MBOAT2: variants seen among roughly 807,000 people sequenced by gnomAD.
The protein encoded by MBOAT2 is membrane bound glycerophospholipid O-acyltransferase 2.
MBOAT2 carries 28 observed loss-of-function variants against 63.4 expected under a neutral mutation model. The observed-to-expected ratio is 0.44, with a 90% CI of 0.33 to 0.61. The LOEUF (loss-of-function observed/expected upper bound fraction) is 0.61. Among genes scored for constraint, MBOAT2 ranks in the 20% least tolerant of loss-of-function variants. MBOAT2 has a pLI of 0.03. For missense variants in MBOAT2, 470 were observed against 605.8 expected (o/e 0.78, Z 2.35); for synonymous variants, 211 against 215.6 (o/e 0.98, Z 0.19).
At chr2:8,947,697 C>G (rs1421679219) in intron 2 of MBOAT2, among the ~76,000 whole-genome samples, 1 of 152,214 alleles carries the variant, frequency 6.6e-6, no homozygotes, top group East Asian at 1.9e-4. Flanking sequence ...GCATTGTTTA[C>G]TGAATATTAT....
intron 1 of MBOAT2, among the ~76,000 whole-genome samples, chr2:8,963,065 C>T (rs1254717267): frequency 6.6e-6 from 1 of 151,954 alleles, no homozygotes; most frequent in Non-Finnish European, 1.5e-5. Flanking sequence ...TGGTGAAACC[C>T]CATCTCTACA....
intron 1 of MBOAT2, among the ~76,000 whole-genome samples, chr2:8,991,393 G>A (rs1322369964): frequency 6.6e-6 from 1 of 152,198 alleles, no homozygotes; most frequent in East Asian, 1.9e-4. Flanking sequence ...ACCTTCCACT[G>A]TAATGGGGTA....
chr2:8,898,429 T>C (rs1397105632), intron 4 of MBOAT2, among the ~76,000 whole-genome samples: 1 of 152,256 alleles, frequency 6.6e-6, no homozygotes, highest in Non-Finnish European at 1.5e-5. Flanking sequence ...TATTCATTCC[T>C]TGCTGAGGGC....
chr2:8,913,900 T>C (rs574624219), intron 3 of MBOAT2, among the ~76,000 whole-genome samples: 13 of 152,294 alleles, frequency 8.5e-5, no homozygotes, highest in Admixed American at 2.0e-4. Flanking sequence ...CAATTCACGA[T>C]TGCAAAATCG....
At chr2:8,881,359 C>T (rs1663121428) in intron 6 of MBOAT2, among the ~76,000 whole-genome samples, 1 of 152,108 alleles carries the variant, frequency 6.6e-6, no homozygotes, top group Admixed American at 6.6e-5. Context: ...GAGACTATAT[C>T]ATCTTAGAAG....
chr2:8,894,782 C>T (rs1429472999), intron 4 of MBOAT2, among the ~76,000 whole-genome samples: 4 of 152,182 alleles, frequency 2.6e-5, no homozygotes, highest in Non-Finnish European at 4.4e-5. Flanking sequence ...GAATTTCTTC[C>T]TTCTGGTGGG....
chr2:8,900,393 G>A (rs891731861), intron 4 of MBOAT2, among the ~76,000 whole-genome samples: 5 of 152,206 alleles, frequency 3.3e-5, no homozygotes, highest in African/African-American at 1.2e-4. Context: ...CTCCAAGTGA[G>A]CTCAAAGGTT....
chr2:8,930,994 C>T (rs1298814542), intron 3 of MBOAT2, among the ~76,000 whole-genome samples: 1 of 152,126 alleles, frequency 6.6e-6, no homozygotes, highest in Admixed American at 6.5e-5. Context: ...CTCTCTTTCA[C>T]CGTGGGCTGC....
intron 5 of MBOAT2, among the ~76,000 whole-genome samples, chr2:8,884,390 A>G (rs13399496): frequency 0.018 from 2,764 of 151,814 alleles, 31 homozygotes; most frequent in Middle Eastern, 0.037. Flanking sequence ...ACGGTAAAAC[A>G]TTATCAGGAT....
At position 8,873,100 on chromosome 2, in the gene MBOAT2, T is replaced by C; in HGVS notation, c.883+8A>G. On this transcript the variant is annotated splice_region_variant and intron_variant, in intron 8 of 12. Transcript: ENST00000305997. The stretch of plus-strand genomic sequence containing the variant: ...AGACACAGGGAAATCTATTTACATG[T>C]TACTTACCTAGCGTCCATGCAAAAT... The C allele has an allele frequency of 1.9e-6, 3 of 1,611,188 alleles. No individual in the cohort carries two copies. The highest frequency in any genetic ancestry group is 2.5e-6 in the Non-Finnish European group (3 of 1,177,658).
chr2:8,923,840 C>T (rs1301000446), intron 3 of MBOAT2, among the ~76,000 whole-genome samples: 2 of 152,176 alleles, frequency 1.3e-5, no homozygotes, highest in African/African-American at 4.8e-5. Context: ...CTGACAAGTT[C>T]ATCCAGTTGT....
intron 1 of MBOAT2, among the ~76,000 whole-genome samples, chr2:8,977,278 T>C (rs1243379811): frequency 3.9e-5 from 6 of 152,266 alleles, no homozygotes; most frequent in South Asian, 2.1e-4. Context: ...ACTGAAAACC[T>C]TGCAATGTGA....
chr2:8,904,337 G>T (rs1425009349), intron 4 of MBOAT2, among the ~76,000 whole-genome samples: 3 of 150,060 alleles, frequency 2.0e-5, no homozygotes, highest in African/African-American at 7.4e-5. Context: ...TTTGAGATAG[G>T]ATCTTGCTGT....
At chr2:8,944,934 A>C (rs1668308363) in intron 2 of MBOAT2, among the ~76,000 whole-genome samples, 1 of 152,208 alleles carries the variant, frequency 6.6e-6, no homozygotes, top group African/African-American at 2.4e-5. Context: ...GGAGAACTCA[A>C]TACAGGTACT....
chr2:8,864,284 T>A, intron 9 of MBOAT2, 50 bp from the exon 10 acceptor site: 1 of 1,050,900 alleles, frequency 9.5e-7, no homozygotes, highest in Non-Finnish European at 1.4e-6. Flanking sequence ...AATGAAGCTT[T>A]AAATATAATA....
chr2:8,896,992 G>A (rs1024308471), intron 4 of MBOAT2, among the ~76,000 whole-genome samples: 16 of 152,226 alleles, frequency 1.1e-4, no homozygotes, highest in African/African-American at 3.6e-4. Flanking sequence ...CTATGCCCTT[G>A]TTTACACTGA....
At chr2:8,897,446 A>T (rs2148568126) in intron 4 of MBOAT2, among the ~76,000 whole-genome samples, 1 of 152,308 alleles carries the variant, frequency 6.6e-6, no homozygotes, top group East Asian at 1.9e-4. Flanking sequence ...ACGTTCCCCC[A>T]GAGGTTAGGA....
chr2:8,861,615 G>A (rs1661500871), intron 11 of MBOAT2, among the ~76,000 whole-genome samples: 1 of 152,180 alleles, frequency 6.6e-6, no homozygotes, highest in Non-Finnish European at 1.5e-5. Flanking sequence ...TGCTTAGAAT[G>A]TCATTTTCTT....
At chr2:8,923,472 C>T (rs186441368) in intron 3 of MBOAT2, among the ~76,000 whole-genome samples, 4 of 152,284 alleles carry the variant, frequency 2.6e-5, no homozygotes, top group Admixed American at 2.0e-4. Context: ...TCAATCATTA[C>T]AGTTCTCCAG....
Sources: gnomAD v4.1 joint callset for allele counts (sites outside exome capture counted in the v4.1 genomes callset) on GRCh38, gnomAD v4.1.1 for gene constraint, MANE v1.5 for transcripts, NCBI Gene and HGNC (gene_info 2026-07-23, HGNC 2026-07-21) for gene names.